The following MARCHF1 variants were observed in gnomAD, a reference collection of about 807,000 sequenced individuals.
MARCHF1 encodes membrane associated ring-CH-type finger 1.
A neutral mutation model predicts 54.2 loss-of-function variants in MARCHF1; 40 were observed. The ratio of observed to expected loss-of-function variants is 0.74; its 90% CI spans 0.57 to 0.96. MARCHF1 has a LOEUF of 0.96. MARCHF1 is among the 40% of genes least tolerant of loss of function. The pLI is 0.00. For missense variants in MARCHF1, 586 were observed against 656.5 expected, an observed-to-expected ratio of 0.89 and a Z score of 1.17; for synonymous variants, 236 against 236.3, an observed-to-expected ratio of 1.00 and a Z score of 0.01.
At chr4:164,267,274 C>T (rs575988467) in intron 1 of MARCHF1, among the ~76,000 whole-genome samples, 3 of 152,168 alleles carry the variant, frequency 2.0e-5, no homozygotes, top group Non-Finnish European at 2.9e-5. Context: ...CTTATATAAT[C>T]TCTTCCCTAT....
intron 2 of MARCHF1, among the ~76,000 whole-genome samples, chr4:164,051,906 C>T (rs1754376775): frequency 1.3e-5 from 2 of 152,134 alleles, no homozygotes; most frequent in South Asian, 2.1e-4. Flanking sequence ...TACTTGCTCC[C>T]ACATAGCCCC....
intron 1 of MARCHF1, among the ~76,000 whole-genome samples, chr4:164,365,475 G>C (rs6828775): frequency 0.51 from 78,119 of 151,822 alleles, 21,006 homozygotes; most frequent in East Asian, 0.65. Context: ...ATTGTGTTAA[G>C]AAAAACCAAG....
chr4:163,919,471 T>G (rs1751377665), intron 3 of MARCHF1, among the ~76,000 whole-genome samples: 1 of 151,952 alleles, frequency 6.6e-6, no homozygotes, highest in Admixed American at 6.6e-5. Flanking sequence ...ACATAAGAAT[T>G]ACAATGTCCT....
intron 1 of MARCHF1, among the ~76,000 whole-genome samples, chr4:164,254,622 A>C (rs1046118346): frequency 4.6e-5 from 7 of 152,106 alleles, no homozygotes; most frequent in Non-Finnish European, 7.4e-5. Flanking sequence ...AAGGTCCTAC[A>C]ATAGGCTGTC....
At chr4:163,722,031 T>C (rs181182770) in intron 4 of MARCHF1, among the ~76,000 whole-genome samples, 39 of 152,194 alleles carry the variant, frequency 2.6e-4, no homozygotes, top group Admixed American at 2.4e-3. Context: ...TTATCTCCTT[T>C]AGTTCTTCTC....
chr4:164,153,367 C>G lies in MARCHF1; in HGVS notation c.-322-41705G>C, dbSNP rs529429700. ...GTAACACATCTTATAGAAGGAATAA[C>G]TCAAACTCAAGTACCCATCCAGTGG... On this transcript the variant is annotated intron_variant, in intron 1 of 9. Transcript: ENST00000514618. Among the ~76,000 whole-genome samples, 4 of 152,220 alleles carry G rather than the reference C, an allele frequency of 2.6e-5. No individual in the cohort carries two copies. In the East Asian group the frequency reaches 7.7e-4, roughly 29 times the overall value.
intron 4 of MARCHF1, among the ~76,000 whole-genome samples, chr4:163,726,523 G>T (rs1440099059): frequency 6.6e-6 from 1 of 152,004 alleles, no homozygotes; most frequent in Non-Finnish European, 1.5e-5. Context: ...AAGGCATCTT[G>T]TTGTTCTTAA....
rs367710051 is a variant in MARCHF1, at chr4:164,204,192, G to A, written c.-322-92530C>T. The stretch of plus-strand genomic sequence containing the variant: ...TACGTGGCGTGAAGTCTCATCAAAC[G>A]TCAAAAATTCTCAGATTTAACGTCA... On this transcript the variant is annotated intron_variant, in intron 1 of 9. Transcript: ENST00000514618. Among the ~76,000 whole-genome samples, 29 of 152,152 alleles carry A rather than the reference G, an allele frequency of 1.9e-4. No individual in the cohort carries two copies. The East Asian group carries it at 3.3e-3, about 17-fold the overall frequency.
chr4:163,597,680 CT>C (rs933120254), intron 7 of MARCHF1, among the ~76,000 whole-genome samples: 31 of 152,130 alleles, frequency 2.0e-4, no homozygotes, highest in Non-Finnish European at 3.7e-4. Context: ...TTCTACTTCA[CT>C]TTTTTTCTCA....
chr4:164,327,676 G>C (rs1024819060), intron 1 of MARCHF1, among the ~76,000 whole-genome samples: 1 of 152,032 alleles, frequency 6.6e-6, no homozygotes, highest in African/African-American at 2.4e-5. Flanking sequence ...CAGTAATTCA[G>C]GAAGAACATT....
chr4:163,636,023 G>A (rs960194442), intron 5 of MARCHF1, among the ~76,000 whole-genome samples: 3 of 152,050 alleles, frequency 2.0e-5, no homozygotes, highest in African/African-American at 2.4e-5. Context: ...ATGCAGAAAA[G>A]GCCTTTGACA....
Position 164,368,113 on chromosome 4 carries a change from G to GA in MARCHF1, c.-323+15756dup, listed in dbSNP as rs933818005. 6.4e-3 allele frequency among the ~76,000 whole-genome samples: 847 copies of GA among 132,972 alleles called. 9 individuals carry two copies. Among genetic ancestry groups the GA allele is most frequent in the East Asian group, 0.034 (157 of 4,608 alleles). The allele number at this position is 132,972 out of a possible 152,430, so 87.2% of individuals were successfully genotyped here. On this transcript the variant is annotated intron_variant, in intron 1 of 9. Coordinates refer to ENST00000514618, the MANE Select transcript of MARCHF1 (RefSeq NM_001394959.1). The stretch of plus-strand genomic sequence containing the variant: ...TAGAAAAATATCACTGAATGAACTA[G>GA]AAAAAAAAAACCACAAAGAAATGGT...
intron 3 of MARCHF1, among the ~76,000 whole-genome samples, chr4:163,920,795 T>C (rs10028000): frequency 0.23 from 34,573 of 152,148 alleles, 4,960 homozygotes; most frequent in African/African-American, 0.4. Context: ...ATTGAATCTT[T>C]TTGCTAAAAT....
intron 1 of MARCHF1, among the ~76,000 whole-genome samples, chr4:164,256,583 A>G (rs1404777419): frequency 2.0e-5 from 3 of 152,144 alleles, no homozygotes; most frequent in Non-Finnish European, 2.9e-5. Context: ...AAAAATAAGC[A>G]AAGTATTATC....
At chr4:164,121,441 CT>C (rs1756064416) in intron 1 of MARCHF1, among the ~76,000 whole-genome samples, 1 of 152,080 alleles carries the variant, frequency 6.6e-6, no homozygotes, top group Non-Finnish European at 1.5e-5. Flanking sequence ...AAAACACGTC[CT>C]TCTTCACAAG....
chr4:163,679,225 A>G (rs1744015679), intron 5 of MARCHF1, among the ~76,000 whole-genome samples: 1 of 152,196 alleles, frequency 6.6e-6, no homozygotes, highest in Admixed American at 6.5e-5. Flanking sequence ...GGTGGTATGG[A>G]TCTCAACAGA....
At chr4:163,856,494 C>A (rs1364184633) in intron 3 of MARCHF1, among the ~76,000 whole-genome samples, 3 of 152,124 alleles carry the variant, frequency 2.0e-5, no homozygotes, top group Non-Finnish European at 4.4e-5. Flanking sequence ...TGAGAGAGAG[C>A]AATCTAACTA....
At chr4:163,977,383 T>C (rs1328344979) in intron 3 of MARCHF1, among the ~76,000 whole-genome samples, 2 of 152,104 alleles carry the variant, frequency 1.3e-5, no homozygotes, top group Non-Finnish European at 2.9e-5. Flanking sequence ...AATGACCACC[T>C]CCCTTGTTGA....
intron 1 of MARCHF1, among the ~76,000 whole-genome samples, chr4:164,121,459 A>T (rs1298044674): frequency 6.6e-6 from 1 of 152,138 alleles, no homozygotes; most frequent in Non-Finnish European, 1.5e-5. Context: ...CAAGGCAGCA[A>T]GAGAGAGATG....
Sources: allele counts gnomAD v4.1 joint callset (sites outside exome capture counted in the v4.1 genomes callset), GRCh38; gene constraint gnomAD v4.1.1; transcripts MANE v1.5; gene names NCBI Gene and HGNC (gene_info 2026-07-23, HGNC 2026-07-21).